Variants in USP9X observed in about 807,000 individuals in gnomAD.
USP9X encodes the protein ubiquitin specific peptidase 9 X-linked, also known as ubiquitin carboxyl-terminal hydrolase 9X.
Under a neutral mutation model 190.3 loss-of-function variants are expected in USP9X, and 7 were observed. The ratio of observed to expected loss-of-function variants is 0.04; its 90% CI spans 0.02 to 0.07. The LOEUF (loss-of-function observed/expected upper bound fraction) is 0.07. Among genes scored for constraint, USP9X ranks in the 10% least tolerant of loss-of-function variants. The probability of loss-of-function intolerance (pLI) is 1.00; values close to 1 mark genes in which losing one functional copy is unlikely to be tolerated. For missense variants in USP9X, 1,010 were observed against 1,916.9 expected (o/e 0.53, Z 8.83); for synonymous variants, 645 against 659.5 (o/e 0.98, Z 0.34).
At chrX:41,108,271 C>G in intron 1 of USP9X, among the ~76,000 whole-genome samples, 1 of 111,765 alleles carries the variant, frequency 8.9e-6, no homozygotes, top group Middle Eastern at 4.6e-3. Flanking sequence ...TGTGATCTCT[C>G]TGTTAAACCT....
chrX:41,220,806 T>C, intron 38 of USP9X, among the ~76,000 whole-genome samples: 1 of 107,315 alleles, frequency 9.3e-6, no homozygotes. Context: ...AATACAAAAA[T>C]TAGCAGGGCG....
At chrX:41,214,334 T>C (rs1018631861) in intron 33 of USP9X, among the ~76,000 whole-genome samples, 3 of 111,703 alleles carry the variant, frequency 2.7e-5, no homozygotes, top group Non-Finnish European at 5.6e-5. Context: ...TTAACTTTTT[T>C]ATTGCTAACA....
At chrX:41,131,315 A>T in intron 3 of USP9X, 142 bp from the exon 4 acceptor site, 1 of 434,928 alleles carries the variant, frequency 2.3e-6, no homozygotes, top group Non-Finnish European at 3.5e-6. Context: ...ATAATCTGCC[A>T]ACCTTGTCTT....
chrX:41,196,542 G>A, intron 27 of USP9X, 50 bp from the exon 28 acceptor site: 1 of 1,186,200 alleles, frequency 8.4e-7, no homozygotes, highest in African/African-American at 1.8e-5. Flanking sequence ...TTAAAAAAGT[G>A]GATTTTGAGG....
intron 1 of USP9X, among the ~76,000 whole-genome samples, chrX:41,107,284 G>T (rs1378175457): frequency 1.8e-5 from 2 of 112,286 alleles, no homozygotes; most frequent in Non-Finnish European, 3.8e-5. Context: ...CTCCCAAAGT[G>T]CTGGGATTAC....
intron 31 of USP9X, 36 bp downstream of exon 31, chrX:41,201,316 C>G (rs1162213089): frequency 9.0e-7 from 1 of 1,105,816 alleles, no homozygotes; most frequent in Non-Finnish European, 1.2e-6. Context: ...TTCTGTGTTT[C>G]AAGTTATGAT....
At chrX:41,230,678 G>T (rs2063352930) in intron 44 of USP9X, 82 bp downstream of exon 44, 1 of 831,958 alleles carries the variant, frequency 1.2e-6, no homozygotes, top group Admixed American at 2.7e-5. Context: ...ATTGTTTGTT[G>T]TGACTACAAA....
At chrX:41,164,115 C>T (rs1179220946) in intron 15 of USP9X, among the ~76,000 whole-genome samples, 1 of 111,380 alleles carries the variant, frequency 9.0e-6, no homozygotes, top group Non-Finnish European at 1.9e-5. Flanking sequence ...TCGTGATCTG[C>T]CCGCCTCGGT....
chrX:41,131,568 G>A (rs1320426108), intron 4 of USP9X, 32 bp downstream of exon 4: 1 of 1,133,282 alleles, frequency 8.8e-7, no homozygotes, highest in Non-Finnish European at 1.2e-6. Context: ...TTCCTATAAT[G>A]TATGCTACTA....
At position 41,193,042 on chromosome X, in the gene USP9X, C is replaced by T. The variant is rs189354611; in HGVS notation, c.3978-3209C>T. Reference sequence around the variant, plus strand: ...ACTCATGGAGAAAGTATATTTTAAGCAGAAAAAACAACAGATGTGTATGTC... The same window carrying T: ...ACTCATGGAGAAAGTATATTTTAAGTAGAAAAAACAACAGATGTGTATGTC... On this transcript the variant is annotated intron_variant, in intron 26 of 44. Transcript: ENST00000378308. 9.9e-5 allele frequency among the ~76,000 whole-genome samples: 11 copies of T among 110,905 alleles called. No homozygotes were observed. In the East Asian group the frequency reaches 3.1e-3, roughly 32 times the overall value.
At chrX:41,178,962 A>AAGAGATTGCCTTTTCCCC (rs1176884255) in intron 21 of USP9X, among the ~76,000 whole-genome samples, 1 of 112,041 alleles carries the variant, frequency 8.9e-6, no homozygotes, top group Non-Finnish European at 1.9e-5. Context: ...ATTTTTATTC[A>AAGAGATTGCCTTTTCCCC]AGAGATTGCC....
chrX:41,108,084 G>A (rs2062083040), intron 1 of USP9X, among the ~76,000 whole-genome samples: 1 of 111,520 alleles, frequency 9.0e-6, no homozygotes, highest in South Asian at 3.7e-4. Flanking sequence ...ATATAATATA[G>A]CAACTTTGGA....
chrX:41,135,455 C>G (rs1199876994), intron 5 of USP9X, among the ~76,000 whole-genome samples: 1 of 111,751 alleles, frequency 8.9e-6, no homozygotes, highest in Non-Finnish European at 1.9e-5. Flanking sequence ...CCCCAAGTGA[C>G]TAGCAGAAGC....
intron 26 of USP9X, among the ~76,000 whole-genome samples, chrX:41,191,329 CAAAA>C (rs60716097): frequency 1.5e-5 from 1 of 65,656 alleles, no homozygotes; most frequent in Non-Finnish European, 2.9e-5. Context: ...AACTCCATGT[CAAAA>C]AAAAAAAAAA....
At chrX:41,110,419 G>A (rs1481290380) in intron 1 of USP9X, among the ~76,000 whole-genome samples, 1 of 111,781 alleles carries the variant, frequency 8.9e-6, no homozygotes, top group East Asian at 2.8e-4. Flanking sequence ...CTTGGGAGTG[G>A]GGTTATGGTG....
intron 18 of USP9X, 110 bp from the exon 19 acceptor site, chrX:41,169,885 C>G: frequency 2.1e-6 from 2 of 969,838 alleles, no homozygotes; most frequent in Non-Finnish European, 2.9e-6. Flanking sequence ...TTCACATCCT[C>G]TTGTTTAATA....
chrX:41,207,162 C>T (rs1307042662), intron 32 of USP9X, among the ~76,000 whole-genome samples: 1 of 95,971 alleles, frequency 1.0e-5, no homozygotes, highest in Non-Finnish European at 2.0e-5. Flanking sequence ...GATCTCAGCT[C>T]ACTGCAACCT....
chrX:41,217,295 C>G lies in USP9X; in HGVS notation c.6161C>G (p.Thr2054Ser), dbSNP rs1322089343. 8.3e-7 allele frequency: 1 copy of G among 1,210,649 alleles called. No individual in the cohort carries two copies. Residue 2054 changes from threonine to serine, a missense_variant, in exon 36 of 45, where the codon ACT (threonine) becomes AGT (serine). Thr to Ser is a moderately conservative substitution (Grantham distance 58, BLOSUM62 1). Coordinates refer to ENST00000378308, the MANE Select transcript of USP9X (RefSeq NM_001039591.3). The part of the protein sequence containing the change: ...SIQLAARFLF[T>S]TGFHTKKVVR... ...CAACTTGCTGCTAGGTTCCTCTTTA[C>G]TACAGGATTTCACACAAAGAAAGTA... is the stretch of plus-strand genomic sequence containing the variant.
intron 6 of USP9X, 94 bp downstream of exon 6, chrX:41,137,116 A>C: frequency 1.2e-6 from 1 of 836,339 alleles, no homozygotes; most frequent in Non-Finnish European, 1.7e-6. Flanking sequence ...GTGACAATGA[A>C]ATAACACTTT....
Sources: allele counts gnomAD v4.1 joint callset (sites outside exome capture counted in the v4.1 genomes callset), GRCh38; gene constraint gnomAD v4.1.1; transcripts MANE v1.5; gene names NCBI Gene and HGNC (gene_info 2026-07-23, HGNC 2026-07-21).